Variants in NXPE2 observed in about 807,000 individuals in gnomAD.
NXPE2 encodes the protein neurexophilin and PC-esterase domain family member 2.
A neutral mutation model predicts 34.4 loss-of-function variants in NXPE2; 34 were observed. The ratio of observed to expected loss-of-function variants is 0.99; its 90% CI spans 0.75 to 1.31. The LOEUF is 1.31. Ranked by LOEUF, NXPE2 falls within the 40% of genes most tolerant of loss-of-function variation. The pLI is 0.00. For synonymous variants in NXPE2, 235 were observed against 231.3 expected (o/e 1.02, Z -0.15); for missense variants, 649 against 672.5 (o/e 0.97, Z 0.39).
chr11:114,813,431 C>A, the NXPE2 span, among the ~76,000 whole-genome samples: 1 of 152,190 alleles, frequency 6.6e-6, no homozygotes, highest in Non-Finnish European at 1.5e-5. Flanking sequence ...CCCCTTGGAA[C>A]AGGCTCATAA....
chr11:114,472,595 G>A, the NXPE2 span, among the ~76,000 whole-genome samples: 1 of 152,132 alleles, frequency 6.6e-6, no homozygotes, highest in Non-Finnish European at 1.5e-5. Flanking sequence ...ATAAACAACA[G>A]AGATTTATTT....
chr11:114,663,472 G>A, the NXPE2 span, among the ~76,000 whole-genome samples: 10 of 152,196 alleles, frequency 6.6e-5, no homozygotes, highest in African/African-American at 2.4e-4. Flanking sequence ...GGTGTCTAAT[G>A]GAAGCCAAGA....
chr11:114,801,840 T>G, the NXPE2 span, among the ~76,000 whole-genome samples: 1 of 152,040 alleles, frequency 6.6e-6, no homozygotes, highest in Non-Finnish European at 1.5e-5. Flanking sequence ...AAGCCCAGGT[T>G]AGGGGGTAGG....
the NXPE2 span, chr11:114,582,994 A>C: frequency 6.8e-6 from 11 of 1,613,186 alleles, no homozygotes; most frequent in South Asian, 1.1e-4. Flanking sequence ...TAATGGAGGG[A>C]GATGGATAAG....
chr11:114,684,152 G>A (rs934919417), intron 2 of NXPE2, among the ~76,000 whole-genome samples: 31 of 152,126 alleles, frequency 2.0e-4, no homozygotes, highest in Admixed American at 5.9e-4. Context: ...AGGAGGCCAG[G>A]CCCGGTGGCT....
the NXPE2 span, among the ~76,000 whole-genome samples, chr11:114,797,194 G>C: frequency 6.6e-6 from 1 of 152,160 alleles, no homozygotes; most frequent in East Asian, 1.9e-4. Context: ...TGGGTTCCAT[G>C]GGAGCTGGAT....
At chr11:114,783,001 A>G in the NXPE2 span, among the ~76,000 whole-genome samples, 2 of 152,232 alleles carry the variant, frequency 1.3e-5, no homozygotes, top group African/African-American at 4.8e-5. Context: ...TTAAAAACGC[A>G]TAACTCGAAA....
At chr11:114,563,375 T>C in the NXPE2 span, among the ~76,000 whole-genome samples, 17 of 152,352 alleles carry the variant, frequency 1.1e-4, no homozygotes, top group African/African-American at 3.8e-4. Context: ...ATTCATTTTC[T>C]TATTTACTTC....
the NXPE2 span, among the ~76,000 whole-genome samples, chr11:114,549,828 C>T: frequency 6.6e-6 from 1 of 151,480 alleles, no homozygotes; most frequent in Admixed American, 6.6e-5. Context: ...TCTGAAAAAC[C>T]CCAAAGTATC....
At chr11:114,548,776 A>G in the NXPE2 span, among the ~76,000 whole-genome samples, 1 of 151,956 alleles carries the variant, frequency 6.6e-6, no homozygotes, top group African/African-American at 2.4e-5. Context: ...AATCAAAAGA[A>G]AGAAAAAGGT....
chr11:114,636,970 C>G, the NXPE2 span, among the ~76,000 whole-genome samples: 2 of 152,144 alleles, frequency 1.3e-5, no homozygotes, highest in African/African-American at 4.8e-5. Flanking sequence ...CTGTAGATGT[C>G]TATTAGGTCC....
the NXPE2 span, among the ~76,000 whole-genome samples, chr11:114,569,219 T>C: frequency 6.6e-6 from 1 of 152,172 alleles, no homozygotes; most frequent in East Asian, 1.9e-4. Context: ...AGGAAGAATA[T>C]GGTACCAAAC....
chr11:114,770,868 A>G, the NXPE2 span, among the ~76,000 whole-genome samples: 1 of 152,178 alleles, frequency 6.6e-6, no homozygotes, highest in Non-Finnish European at 1.5e-5. Context: ...ATCAGAAAAA[A>G]ATGATGTAGG....
the NXPE2 span, among the ~76,000 whole-genome samples, chr11:114,519,446 G>T: frequency 6.6e-6 from 1 of 152,302 alleles, no homozygotes; most frequent in South Asian, 2.1e-4. Flanking sequence ...GCAAAACTTA[G>T]TCTCTTTCCT....
chr11:114,706,572 A>G lies in NXPE2; in HGVS notation c.1322A>G (p.Asp441Gly). ...CGGGAAATTGACCAGGTAGCAGGAG[A>G]CAAAAACACAGCCATTGTCATTACC... ...IPREIDQVAG[D>G]KNTAIVITLG... Residue 441 changes from aspartate (D) to glycine (G), a missense_variant, in exon 6 of 6, where the codon GAC becomes GGC. Coordinates refer to ENST00000389586, the MANE Select transcript of NXPE2 (RefSeq NM_182495.6). 6.4e-7 allele frequency: 1 copy of G among 1,551,892 alleles called. No homozygotes were observed. The highest frequency in any genetic ancestry group is 2.4e-5 in the East Asian group (1 of 41,058).
At chr11:114,771,935 A>C in the NXPE2 span, among the ~76,000 whole-genome samples, 1 of 152,214 alleles carries the variant, frequency 6.6e-6, no homozygotes, top group Non-Finnish European at 1.5e-5. Context: ...ACTTTCTCTC[A>C]CCAATTAAAG....
At chr11:114,513,788 A>C in the NXPE2 span, among the ~76,000 whole-genome samples, 1 of 152,368 alleles carries the variant, frequency 6.6e-6, no homozygotes, top group Middle Eastern at 3.4e-3. Context: ...AAGAAATATT[A>C]CAGCACTTCT....
At chr11:114,638,363 G>A in the NXPE2 span, among the ~76,000 whole-genome samples, 22 of 151,774 alleles carry the variant, frequency 1.4e-4, no homozygotes, top group East Asian at 5.8e-4. Flanking sequence ...TTATCCATTC[G>A]TCTAAATTTT....
At chr11:114,795,970 C>T in the NXPE2 span, among the ~76,000 whole-genome samples, 4 of 152,200 alleles carry the variant, frequency 2.6e-5, no homozygotes, top group Non-Finnish European at 5.9e-5. Context: ...AAACAGCTCT[C>T]TCACACTCCT....
Sources: allele counts gnomAD v4.1 joint callset (sites outside exome capture counted in the v4.1 genomes callset), GRCh38; gene constraint gnomAD v4.1.1; transcripts MANE v1.5; gene names NCBI Gene and HGNC (gene_info 2026-07-23, HGNC 2026-07-21).